The following POU3F3 variants were observed in gnomAD, a reference collection of about 807,000 sequenced individuals.
The protein encoded by POU3F3 is POU class 3 homeobox 3, also known as POU domain, class 3, transcription factor 3.
POU3F3 carries 1 observed loss-of-function variant against 8.6 expected under a neutral mutation model. That is an observed-to-expected ratio of 0.12 (90% CI 0.04 to 0.55). The LOEUF is 0.55. POU3F3 is among the 20% of genes least tolerant of loss of function. The probability of loss-of-function intolerance (pLI) is 0.91; values close to 1 mark genes in which losing one functional copy is unlikely to be tolerated. For missense variants in POU3F3, 577 were observed against 690.7 expected (o/e 0.84, Z 1.84); for synonymous variants, 418 against 327.4 (o/e 1.28, Z -2.99).
At chr2:104,853,765 C>G (rs1676489802), upstream of POU3F3, 1 of 152,110 alleles carries the variant, frequency 6.6e-6, no homozygotes, top group African/African-American at 2.4e-5. Flanking sequence ...TTTCTTCCCC[C>G]CGCCCAGACC....
chr2:104,902,758 A>C, the POU3F3 span, among the ~76,000 whole-genome samples: 2 of 152,214 alleles, frequency 1.3e-5, no homozygotes, highest in Non-Finnish European at 2.9e-5. Flanking sequence ...TCTTACCTGA[A>C]TAAAAGGGAG....
the POU3F3 span, among the ~76,000 whole-genome samples, chr2:104,890,114 G>A: frequency 6.6e-6 from 1 of 152,132 alleles, no homozygotes; most frequent in Non-Finnish European, 1.5e-5. Flanking sequence ...AGATAGCCAA[G>A]TAAAAAGGGC....
At chr2:104,864,238 G>T in the POU3F3 span, among the ~76,000 whole-genome samples, 1 of 152,244 alleles carries the variant, frequency 6.6e-6, no homozygotes, top group East Asian at 1.9e-4. Flanking sequence ...TCGCACGCCG[G>T]CTTCGCTTCT....
the POU3F3 span, among the ~76,000 whole-genome samples, chr2:104,900,295 A>G: frequency 1.3e-5 from 2 of 152,332 alleles, no homozygotes; most frequent in African/African-American, 4.8e-5. Context: ...ACACTTACAC[A>G]TCAAGTGAGG....
the POU3F3 span, among the ~76,000 whole-genome samples, chr2:104,864,173 G>C: frequency 6.6e-6 from 1 of 152,246 alleles, no homozygotes; most frequent in Admixed American, 6.5e-5. Context: ...CGCGGTGTGC[G>C]GGCGCCGGCA....
the POU3F3 span, among the ~76,000 whole-genome samples, chr2:104,907,462 G>A: frequency 5.3e-5 from 8 of 152,124 alleles, no homozygotes; most frequent in Non-Finnish European, 1.0e-4. Flanking sequence ...CAAAGCAAGC[G>A]ACTAGAGAAC....
chr2:104,886,765 G>A, the POU3F3 span, among the ~76,000 whole-genome samples: 1 of 152,016 alleles, frequency 6.6e-6, no homozygotes, highest in Non-Finnish European at 1.5e-5. Flanking sequence ...AAAATTAGCT[G>A]GGTGTGATGG....
chr2:104,912,102 G>C, the POU3F3 span, among the ~76,000 whole-genome samples: 1 of 152,148 alleles, frequency 6.6e-6, no homozygotes, highest in Non-Finnish European at 1.5e-5. Context: ...AGCACCCAGG[G>C]TGCCGTCATG....
chr2:104,897,660 C>T, the POU3F3 span, among the ~76,000 whole-genome samples: 15 of 152,316 alleles, frequency 9.8e-5, no homozygotes, highest in African/African-American at 3.6e-4. Flanking sequence ...ATCATCAGTG[C>T]TGGAAAGGAA....
the POU3F3 span, among the ~76,000 whole-genome samples, chr2:104,863,739 C>G: frequency 4.2e-3 from 640 of 152,330 alleles, 1 homozygote; most frequent in African/African-American, 9.7e-3. Flanking sequence ...GTTTGTCTTC[C>G]CGAAGGATGC....
At chr2:104,853,476 G>GC (rs1676482313), upstream of POU3F3, 1 of 152,624 alleles carries the variant, frequency 6.6e-6, no homozygotes, top group Admixed American at 6.5e-5. Context: ...GGCGATGCGA[G>GC]CCCCCGCTTC....
At chr2:104,921,088 T>C in the POU3F3 span, among the ~76,000 whole-genome samples, 1 of 152,180 alleles carries the variant, frequency 6.6e-6, no homozygotes, top group Non-Finnish European at 1.5e-5. Flanking sequence ...ATCTTTACTC[T>C]ATGAGATAGG....
chr2:104,907,993 C>A, the POU3F3 span, among the ~76,000 whole-genome samples: 2 of 151,956 alleles, frequency 1.3e-5, no homozygotes, highest in Admixed American at 1.3e-4. Context: ...GCACCTAGAC[C>A]TATTATAGAA....
chr2:104,896,255 C>T, the POU3F3 span, among the ~76,000 whole-genome samples: 1 of 152,204 alleles, frequency 6.6e-6, no homozygotes, highest in Non-Finnish European at 1.5e-5. Context: ...GGGTAGGGGT[C>T]CCTGCATGGA....
the POU3F3 span, among the ~76,000 whole-genome samples, chr2:104,882,191 C>T: frequency 6.7e-6 from 1 of 150,308 alleles, no homozygotes; most frequent in African/African-American, 2.4e-5. Flanking sequence ...ATTGGCCTGA[C>T]AAAATCAGCT....
At chr2:104,861,590 G>GA (rs1224275284), downstream of POU3F3, among the ~76,000 whole-genome samples, 1 of 152,090 alleles carries the variant, frequency 6.6e-6, no homozygotes, top group Non-Finnish European at 1.5e-5. Context: ...AAGGTGATGT[G>GA]AAAAAAGAAG....
At chr2:104,907,873 T>G in the POU3F3 span, among the ~76,000 whole-genome samples, 1 of 152,156 alleles carries the variant, frequency 6.6e-6, no homozygotes, top group Admixed American at 6.5e-5. Context: ...ACTTCTCTTG[T>G]AGGGTTTTAC....
the POU3F3 span, among the ~76,000 whole-genome samples, chr2:104,873,840 G>GCT: frequency 5.1e-4 from 77 of 152,324 alleles, no homozygotes; most frequent in Non-Finnish European, 8.2e-4. Flanking sequence ...CTGACTGCCC[G>GCT]CTCGGGGACC....
At chr2:104,873,376 G>T in the POU3F3 span, among the ~76,000 whole-genome samples, 31 of 152,208 alleles carry the variant, frequency 2.0e-4, no homozygotes, top group South Asian at 2.1e-4. Flanking sequence ...GCTCAAGAGG[G>T]AGAGCGAAGG....
Sources: allele counts gnomAD v4.1 joint callset (sites outside exome capture counted in the v4.1 genomes callset), GRCh38; gene constraint gnomAD v4.1.1; transcripts MANE v1.5; gene names NCBI Gene and HGNC (gene_info 2026-07-23, HGNC 2026-07-21).